Variants in A4GALT observed in about 807,000 individuals in gnomAD.
A4GALT encodes alpha 1,4-galactosyltransferase (P1PK blood group), also known as lactosylceramide 4-alpha-galactosyltransferase.
For synonymous variants in A4GALT, 257 were observed against 220.7 expected (o/e 1.16, Z -1.46); for missense variants, 512 against 486.0 (o/e 1.05, Z -0.50).
At chr22:42,715,027 C>G (rs1483138957) in intron 1 of A4GALT, among the ~76,000 whole-genome samples, 1 of 133,592 alleles carries the variant, frequency 7.5e-6, no homozygotes, top group East Asian at 2.1e-4. Context: ...TCTGAGCAAA[C>G]AGCAGAGTAT....
intron 1 of A4GALT, among the ~76,000 whole-genome samples, chr22:42,697,671 G>A (rs1286657033): frequency 6.6e-6 from 1 of 152,214 alleles, no homozygotes; most frequent in Non-Finnish European, 1.5e-5. Context: ...ATGGGGCCAA[G>A]TTGGCCGCAG....
At chr22:42,701,338 G>T (rs1931286705) in intron 1 of A4GALT, among the ~76,000 whole-genome samples, 2 of 152,158 alleles carry the variant, frequency 1.3e-5, no homozygotes, top group Non-Finnish European at 2.9e-5. Flanking sequence ...ATTAAGTGTG[G>T]TCAGGGCTCA....
chr22:42,692,387 C>A lies in A4GALT; in HGVS notation c.*503G>T, dbSNP rs948368944. 4 of 329,600 alleles carry A rather than the reference C, an allele frequency of 1.2e-5. No homozygotes were observed. Among genetic ancestry groups the A allele is most frequent in the Admixed American group, 4.3e-5 (1 of 23,504 alleles). 20.4% of individuals were successfully genotyped at this position (329,600 alleles called of 1,614,324 possible). A position where few individuals can be genotyped will look rare whatever the true frequency, so the allele number is the denominator to read the frequency against. On this transcript the variant is annotated 3_prime_UTR_variant, in exon 3 of 3. Transcript: ENST00000642412. The surrounding 1 kb of genome is among the most constrained non-coding windows in gnomAD (Gnocchi z 4.6). ...CCACTCAGTCCCTGTTGACCTCCCC[C>A]ACCCCCCGCGAAAGAGGAACCAAAA... is the stretch of plus-strand genomic sequence containing the variant.
chr22:42,703,101 C>A (rs1920935155), intron 1 of A4GALT, among the ~76,000 whole-genome samples: 1 of 59,120 alleles, frequency 1.7e-5, no homozygotes, highest in African/African-American at 1.3e-4. Context: ...GAGCATGCTG[C>A]CCCACTGTGT....
At chr22:42,714,208 G>A (rs1214424488) in intron 1 of A4GALT, among the ~76,000 whole-genome samples, 6 of 145,134 alleles carry the variant, frequency 4.1e-5, no homozygotes, top group Non-Finnish European at 9.0e-5. Context: ...CCAGAAGGCT[G>A]AGGCTGCAGT....
At chr22:42,709,143 C>A (rs987197094) in intron 1 of A4GALT, among the ~76,000 whole-genome samples, 2 of 150,034 alleles carry the variant, frequency 1.3e-5, no homozygotes, top group Non-Finnish European at 3.0e-5. Flanking sequence ...ACAGCCTCTA[C>A]TTTCCAGGCT....
At position 42,693,214 on chromosome 22, in the gene A4GALT, C is replaced by G. The variant is rs1930603466; in HGVS notation, c.738G>C (p.Trp246Cys). 6.2e-7 allele frequency: 1 copy of G among 1,605,912 alleles called. No homozygotes were observed. Among genetic ancestry groups the G allele is most frequent in the Non-Finnish European group, 8.5e-7 (1 of 1,177,082 alleles). ...DFVDHYNGWI[W>C]GHQGPQLLTR... ...TGAGCAGCTGCGGGCCCTGGTGACCCCAGATCCAGCCGTTGTAGTGGTCCA... is the reference window on the plus strand; with the variant it reads ...TGAGCAGCTGCGGGCCCTGGTGACCGCAGATCCAGCCGTTGTAGTGGTCCA... Residue 246 changes from tryptophan (W) to cysteine (C), a missense_variant, in exon 3 of 3, where the codon TGG becomes TGC. By Grantham distance (215) the Trp-to-Cys change is radical. Coordinates refer to ENST00000642412, the MANE Select transcript of A4GALT (RefSeq NM_017436.7).
chr22:42,692,686 G>A lies in A4GALT; in HGVS notation c.*204C>T. The A allele has an allele frequency of 1.4e-6, 1 of 714,994 alleles. No homozygotes were observed. The allele number at this position is 714,994 out of a possible 1,614,324, so 44.3% of individuals were successfully genotyped here. On this transcript the variant is annotated 3_prime_UTR_variant, in exon 3 of 3. Coordinates refer to ENST00000642412, the MANE Select transcript of A4GALT (RefSeq NM_017436.7). The surrounding 1 kb of genome is among the most constrained non-coding windows in gnomAD (Gnocchi z 4.6). ...CGCCCTCCGCTGGCTATGGCACCAT[G>A]TGTCAGCCCTGCCTCGAGACAGGAC...
chr22:42,711,628 A>G (rs1038586199), intron 1 of A4GALT, among the ~76,000 whole-genome samples: 1 of 151,840 alleles, frequency 6.6e-6, no homozygotes, highest in Non-Finnish European at 1.5e-5. Flanking sequence ...TATTTTCTGT[A>G]TTTTGTTTTT....
chr22:42,713,810 C>T (rs543245560), intron 1 of A4GALT, among the ~76,000 whole-genome samples: 1 of 93,156 alleles, frequency 1.1e-5, no homozygotes, highest in South Asian at 3.7e-4. Flanking sequence ...GAAACTCTGT[C>T]AAAAAAAAAA....
chr22:42,698,806 G>T (rs1351846866), intron 1 of A4GALT, among the ~76,000 whole-genome samples: 1 of 152,138 alleles, frequency 6.6e-6, no homozygotes, highest in Non-Finnish European at 1.5e-5. Context: ...AGGTCATAAA[G>T]ACCTTGCTGA....
intron 1 of A4GALT, among the ~76,000 whole-genome samples, chr22:42,699,701 G>A (rs1053137802): frequency 6.6e-6 from 1 of 152,230 alleles, no homozygotes; most frequent in Non-Finnish European, 1.5e-5. Context: ...TGCAGCTGGG[G>A]TGGCCATCAG....
At chr22:42,704,298 T>A (rs1485207022) in intron 1 of A4GALT, among the ~76,000 whole-genome samples, 7 of 151,972 alleles carry the variant, frequency 4.6e-5, no homozygotes, top group African/African-American at 1.7e-4. Flanking sequence ...CTGCCCAATA[T>A]GGTGAAACCC....
chr22:42,697,751 C>G (rs1025153351), intron 1 of A4GALT, among the ~76,000 whole-genome samples: 21 of 152,132 alleles, frequency 1.4e-4, no homozygotes, highest in African/African-American at 4.6e-4. Context: ...CAGTTGCAGC[C>G]TATGTCCTGG....
chr22:42,693,459 G>A lies in A4GALT; in HGVS notation c.493C>T (p.Arg165Cys), dbSNP rs1263802884. The change falls in exon 3 of 3, where the codon CGC (arginine) becomes TGC (cysteine). Residue 165 changes from arginine to cysteine, a missense_variant. Transcript: ENST00000642412. ...LADWYAAVQGRWEPYLLPVLS... is the reference protein window; with the variant it reads ...LADWYAAVQGCWEPYLLPVLS... The stretch of plus-strand genomic sequence containing the variant: ...ACGGGCAGCAGGTAGGGCTCCCAGC[G>A]CCCCTGCACGGCCGCGTACCAGTCG... The A allele has an allele frequency of 5.0e-6, 8 of 1,613,150 alleles. No individual in the cohort carries two copies. The highest frequency in any genetic ancestry group is 3.3e-5 in the Admixed American group (2 of 60,004).
rs148478987 is a variant in A4GALT, at chr22:42,705,886, T to C, written c.-187-10255A>G. Among the ~76,000 whole-genome samples, 28 of 120,384 alleles carry C rather than the reference T, an allele frequency of 2.3e-4. 2 individuals carry two copies. The highest frequency in any genetic ancestry group is 7.4e-4 in the African/African-American group (28 of 37,662). 79.0% of individuals were successfully genotyped at this position (120,384 alleles called of 152,430 possible). On this transcript the variant is annotated intron_variant, in intron 1 of 2. Transcript: ENST00000642412. Reference sequence around the variant, plus strand: ...CCGACCAATATGGTGAAACCCTGTATCTACTAAAAATACGAAAATTAGCCA... The same window carrying C: ...CCGACCAATATGGTGAAACCCTGTACCTACTAAAAATACGAAAATTAGCCA...
chr22:42,700,628 A>G (rs1383533172), intron 1 of A4GALT, among the ~76,000 whole-genome samples: 1 of 152,158 alleles, frequency 6.6e-6, no homozygotes, highest in Admixed American at 6.5e-5. Context: ...GGTGTAAGAC[A>G]CCAGCGCCAG....
At chr22:42,706,722 G>T (rs1320012220) in intron 1 of A4GALT, among the ~76,000 whole-genome samples, 3 of 151,742 alleles carry the variant, frequency 2.0e-5, no homozygotes, top group Non-Finnish European at 4.4e-5. Context: ...TTGAAACTGG[G>T]AGGCGGAGGT....
In A4GALT at chr22:42,692,467, A is replaced by G; in HGVS notation, c.*423T>C. 1 of 347,946 alleles carries G rather than the reference A, an allele frequency of 2.9e-6. No individual in the cohort carries two copies. The highest frequency in any genetic ancestry group is 3.9e-5 in the Admixed American group (1 of 25,792). 21.6% of individuals were successfully genotyped at this position (347,946 alleles called of 1,614,324 possible). On this transcript the variant is annotated 3_prime_UTR_variant, in exon 3 of 3. Transcript: ENST00000642412. The surrounding 1 kb of genome is among the most constrained non-coding windows in gnomAD (Gnocchi z 4.6). The stretch of plus-strand genomic sequence containing the variant: ...GGACCCTTGGGGCTGGGTCTCCCCC[A>G]GCCCTGCCACTTTCCTACCAACAGC...
Sources: allele counts gnomAD v4.1 joint callset (sites outside exome capture counted in the v4.1 genomes callset), GRCh38; gene constraint gnomAD v4.1.1; non-coding constraint Gnocchi (gnomAD v3.1); transcripts MANE v1.5; gene names NCBI Gene and HGNC (gene_info 2026-07-23, HGNC 2026-07-21).